CMSS1: variants seen among roughly 807,000 people sequenced by gnomAD.
CMSS1 encodes the protein protein CMSS1.
In CMSS1, 33 loss-of-function variants were observed where a neutral mutation model predicts 43.5. That is an observed-to-expected ratio of 0.76 (90% CI 0.57 to 1.01). The LOEUF is 1.01. CMSS1 is among the 50% of genes least tolerant of loss of function. The pLI, the probability that CMSS1 is intolerant of heterozygous loss-of-function variation, is 0.00. For missense variants in CMSS1, 313 were observed against 326.4 expected (o/e 0.96, Z 0.32); for synonymous variants, 115 against 117.2 (o/e 0.98, Z 0.12).
chr3:99,972,145 A>G (rs1166815855), intron 1 of CMSS1, among the ~76,000 whole-genome samples: 1 of 152,210 alleles, frequency 6.6e-6, no homozygotes, highest in African/African-American at 2.4e-5. Context: ...ATATAGACTG[A>G]TATGCAAAGT....
chr3:99,894,331 A>G (rs944201642), intron 1 of CMSS1, among the ~76,000 whole-genome samples: 1 of 152,210 alleles, frequency 6.6e-6, no homozygotes, highest in Non-Finnish European at 1.5e-5. Context: ...CCATTTGTTC[A>G]TCTGTTGTGG....
Position 99,883,322 on chromosome 3 carries a change from G to A in CMSS1, c.64+65279G>A, listed in dbSNP as rs118082185. ...CCATGACACCATGTTGAATAAATGC[G>A]TTGCTTTGACATAAAAGTCTTTTAA... is the stretch of plus-strand genomic sequence containing the variant. On this transcript the variant is annotated intron_variant, in intron 1 of 9. Coordinates refer to ENST00000421999, the MANE Select transcript of CMSS1 (RefSeq NM_032359.4). Among the ~76,000 whole-genome samples, 132 of 152,202 alleles carry A rather than the reference G, an allele frequency of 8.7e-4. 2 individuals are homozygous for A. The East Asian group carries it at 0.022, about 26-fold the overall frequency.
intron 1 of CMSS1, among the ~76,000 whole-genome samples, chr3:99,864,164 C>G (rs538039880): frequency 2.6e-5 from 4 of 152,220 alleles, no homozygotes; most frequent in African/African-American, 9.6e-5. Context: ...ATAACAACAG[C>G]TTGAGTGTTG....
At chr3:100,036,230 C>T (rs1299298163) in intron 1 of CMSS1, among the ~76,000 whole-genome samples, 1 of 152,158 alleles carries the variant, frequency 6.6e-6, no homozygotes, top group African/African-American at 2.4e-5. Flanking sequence ...ACACATGCAA[C>T]ACATAAAGCT....
chr3:99,854,462 AGCTGTGTAGTCAAATT>A (rs1943855877), intron 1 of CMSS1, among the ~76,000 whole-genome samples: 1 of 152,106 alleles, frequency 6.6e-6, no homozygotes, highest in African/African-American at 2.4e-5. Flanking sequence ...ATTCCCTAAG[AGCTGTGTAGTCAAATT>A]ATGACTCCTT....
At chr3:99,971,609 C>G (rs1315639444) in intron 1 of CMSS1, among the ~76,000 whole-genome samples, 2 of 152,194 alleles carry the variant, frequency 1.3e-5, no homozygotes, top group Non-Finnish European at 2.9e-5. Context: ...TGTAGCCACT[C>G]CCTGATCTAA....
chr3:99,965,292 G>A (rs894355345), intron 1 of CMSS1, among the ~76,000 whole-genome samples: 5 of 152,194 alleles, frequency 3.3e-5, no homozygotes, highest in Admixed American at 2.0e-4. Flanking sequence ...ATATGTGGGA[G>A]TTTTATAATT....
chr3:99,964,438 A>C (rs1390551552), intron 1 of CMSS1: 1 of 152,500 alleles, frequency 6.6e-6, no homozygotes, highest in African/African-American at 2.4e-5. Flanking sequence ...TCAAGGCCAA[A>C]CCACTTACAT....
intron 1 of CMSS1, chr3:99,876,082 T>C: frequency 1.0e-6 from 1 of 986,344 alleles, no homozygotes; most frequent in Non-Finnish European, 1.2e-6. Flanking sequence ...CTGAACTGCC[T>C]GCGCCGGGGC....
At chr3:99,998,226 T>C (rs1342835562) in intron 1 of CMSS1, among the ~76,000 whole-genome samples, 1 of 152,242 alleles carries the variant, frequency 6.6e-6, no homozygotes, top group East Asian at 1.9e-4. Context: ...CTTAGTTCTA[T>C]AAATTAGTAG....
At chr3:99,880,180 C>A (rs1440193823) in intron 1 of CMSS1, among the ~76,000 whole-genome samples, 8 of 152,208 alleles carry the variant, frequency 5.3e-5, no homozygotes, top group African/African-American at 1.7e-4. Flanking sequence ...AAAGAACCTT[C>A]TCTCCATGCC....
intron 1 of CMSS1, among the ~76,000 whole-genome samples, chr3:99,873,998 C>T (rs1003669756): frequency 5.9e-5 from 9 of 152,190 alleles, no homozygotes; most frequent in African/African-American, 9.7e-5. Context: ...TAAGAAATTG[C>T]TCATCCAAAG....
chr3:100,137,787 C>T (rs576181770), intron 1 of CMSS1, among the ~76,000 whole-genome samples: 3 of 152,152 alleles, frequency 2.0e-5, no homozygotes, highest in Admixed American at 6.5e-5. Flanking sequence ...AGGATGGTTT[C>T]GATCTCCTGA....
intron 1 of CMSS1, among the ~76,000 whole-genome samples, chr3:99,829,526 C>T (rs1160316585): frequency 6.6e-6 from 1 of 152,270 alleles, no homozygotes; most frequent in Non-Finnish European, 1.5e-5. Flanking sequence ...TTTCACTTTC[C>T]TGTTTTACAT....
intron 1 of CMSS1, among the ~76,000 whole-genome samples, chr3:99,970,903 G>A (rs1708794326): frequency 6.6e-6 from 1 of 152,250 alleles, no homozygotes; most frequent in Non-Finnish European, 1.5e-5. Context: ...ACTAGAGGTG[G>A]GAAGATGGGT....
rs145617870 is a variant in CMSS1 at position 99,835,134 on chromosome 3, C to T, written c.64+17091C>T. ...TTTATCTCTCAACTTTCCTCTCTCT[C>T]CAATTATTTATAGGCAATATGTTGC... On this transcript the variant is annotated intron_variant, in intron 1 of 9. Coordinates refer to ENST00000421999, the MANE Select transcript of CMSS1 (RefSeq NM_032359.4). Among the ~76,000 whole-genome samples the T allele has an allele frequency of 4.6e-3, 695 of 152,274 alleles. 2 individuals carry two copies. Among genetic ancestry groups the T allele is most frequent in the South Asian group, 7.1e-3 (34 of 4,820 alleles).
intron 1 of CMSS1, among the ~76,000 whole-genome samples, chr3:100,091,284 CA>C (rs570908389): frequency 0.028 from 1,677 of 59,062 alleles, 18 homozygotes; most frequent in African/African-American, 0.081. Flanking sequence ...GACTCCGTCT[CA>C]AAAAAAAAAA....
At chr3:99,824,297 T>C (rs187907734) in intron 1 of CMSS1, among the ~76,000 whole-genome samples, 302 of 152,330 alleles carry the variant, frequency 2.0e-3, no homozygotes, top group African/African-American at 6.8e-3. Flanking sequence ...TCAGGCAGTC[T>C]AGAGTAACTA....
intron 1 of CMSS1, among the ~76,000 whole-genome samples, chr3:100,142,314 G>A (rs143519463): frequency 1.3e-5 from 2 of 152,086 alleles, no homozygotes; most frequent in African/African-American, 4.8e-5. Context: ...GAAAAAAAAT[G>A]TGTCTTTACT....
Sources: allele counts gnomAD v4.1 joint callset (sites outside exome capture counted in the v4.1 genomes callset), GRCh38; gene constraint gnomAD v4.1.1; transcripts MANE v1.5; gene names NCBI Gene and HGNC (gene_info 2026-07-23, HGNC 2026-07-21).